GPR39: variants seen among roughly 807,000 people sequenced by gnomAD.
GPR39 encodes zinc sensing receptor.
Under a neutral mutation model 18.4 loss-of-function variants are expected in GPR39, and 23 were observed. The observed-to-expected ratio is 1.25, with a 90% CI of 0.90 to 1.77. GPR39 has a LOEUF of 1.77. GPR39 is among the 40% of genes most tolerant of loss of function. The pLI, the probability that GPR39 is intolerant of heterozygous loss-of-function variation, is 0.00. For missense variants in GPR39, 647 were observed against 602.4 expected (o/e 1.07, Z -0.78); for synonymous variants, 280 against 257.9 (o/e 1.09, Z -0.82).
At chr2:132,420,443 G>A (rs1482170717) in intron 1 of GPR39, among the ~76,000 whole-genome samples, 1 of 152,178 alleles carries the variant, frequency 6.6e-6, no homozygotes, top group African/African-American at 2.4e-5. Flanking sequence ...CATAAAACTT[G>A]TGCTTTGGGG....
intron 1 of GPR39, among the ~76,000 whole-genome samples, chr2:132,581,076 A>G (rs973236111): frequency 6.6e-6 from 1 of 150,966 alleles, no homozygotes; most frequent in Non-Finnish European, 1.5e-5. Flanking sequence ...CTGTGTCTTT[A>G]GTAAAGAAGG....
chr2:132,445,602 A>G (rs1453070340), intron 1 of GPR39, among the ~76,000 whole-genome samples: 1 of 152,104 alleles, frequency 6.6e-6, no homozygotes, highest in Non-Finnish European at 1.5e-5. Flanking sequence ...CTTTTCTTTC[A>G]TTGCTTTATA....
rs144224386 is a variant in GPR39, at chr2:132,569,175, G to T, written c.857-75926G>T. Among the ~76,000 whole-genome samples the T allele has an allele frequency of 4.3e-3, 658 of 152,192 alleles. 15 individuals carry two copies. The highest frequency in any genetic ancestry group is 0.038 in the Admixed American group (581 of 15,290). ...TTGGTATATTTACTCTCCTTATGCTGCAATGAGCAAGAGGTGAAATAATTG... is the reference window on the plus strand; with the variant it reads ...TTGGTATATTTACTCTCCTTATGCTTCAATGAGCAAGAGGTGAAATAATTG... On this transcript the variant is annotated intron_variant, in intron 1 of 1. Coordinates refer to ENST00000329321, the MANE Select transcript of GPR39 (RefSeq NM_001508.3).
At chr2:132,553,860 A>G (rs886282435) in intron 1 of GPR39, among the ~76,000 whole-genome samples, 4 of 152,132 alleles carry the variant, frequency 2.6e-5, no homozygotes, top group African/African-American at 9.7e-5. Context: ...CTCTGCCTGA[A>G]AAAAACACCA....
chr2:132,632,250 C>T (rs1257654525), intron 1 of GPR39, among the ~76,000 whole-genome samples: 1 of 152,120 alleles, frequency 6.6e-6, no homozygotes, highest in African/African-American at 2.4e-5. Flanking sequence ...GTCTAGCTTG[C>T]CAGACTCCTA....
At chr2:132,643,422 G>T (rs1175152326) in intron 1 of GPR39, among the ~76,000 whole-genome samples, 3 of 152,146 alleles carry the variant, frequency 2.0e-5, no homozygotes, top group African/African-American at 7.2e-5. Flanking sequence ...ACACAGCTAG[G>T]GTCCCCTCCA....
At chr2:132,578,019 T>G (rs1247373194) in intron 1 of GPR39, among the ~76,000 whole-genome samples, 1 of 151,862 alleles carries the variant, frequency 6.6e-6, no homozygotes, top group Non-Finnish European at 1.5e-5. Flanking sequence ...TTTTGTAGAT[T>G]ATCATTATCA....
intron 1 of GPR39, among the ~76,000 whole-genome samples, chr2:132,541,304 G>A (rs377411218): frequency 4.7e-4 from 71 of 152,088 alleles, no homozygotes; most frequent in Middle Eastern, 3.4e-3. Context: ...GGCTGTTATC[G>A]AACTCCTGAC....
chr2:132,566,754 G>A (rs1266188425), intron 1 of GPR39, among the ~76,000 whole-genome samples: 4 of 152,320 alleles, frequency 2.6e-5, no homozygotes, highest in South Asian at 2.1e-4. Context: ...CCGGCTTCAC[G>A]CACTGTGGTA....
At chr2:132,441,983 T>A (rs1680448792) in intron 1 of GPR39, among the ~76,000 whole-genome samples, 1 of 152,028 alleles carries the variant, frequency 6.6e-6, no homozygotes, top group Admixed American at 6.5e-5. Flanking sequence ...GAAAATGCAG[T>A]TTTTTTTCTT....
intron 1 of GPR39, among the ~76,000 whole-genome samples, chr2:132,534,619 G>A (rs1465736018): frequency 6.6e-6 from 1 of 151,526 alleles, no homozygotes; most frequent in African/African-American, 2.4e-5. Flanking sequence ...ACTGGATTAA[G>A]AAAATGTGGC....
chr2:132,479,710 G>A (rs1681196065), intron 1 of GPR39, among the ~76,000 whole-genome samples: 1 of 152,184 alleles, frequency 6.6e-6, no homozygotes, highest in Admixed American at 6.5e-5. Flanking sequence ...AGCAAGTGTT[G>A]GAGAGCATAT....
At position 132,484,914 on chromosome 2, in the gene GPR39, A is replaced by G. The variant is rs114944420; in HGVS notation, c.856+67016A>G. On this transcript the variant is annotated intron_variant, in intron 1 of 1. Coordinates refer to ENST00000329321, the MANE Select transcript of GPR39 (RefSeq NM_001508.3). The stretch of plus-strand genomic sequence containing the variant: ...AAACAAATCCTCTCTGGAGGAACTC[A>G]CTTGTATCCAAGACCTCAGAGAAGT... Among the ~76,000 whole-genome samples the G allele has an allele frequency of 8.6e-3, 1,311 of 152,350 alleles. 23 individuals are homozygous for G. Among genetic ancestry groups the G allele is most frequent in the African/African-American group, 0.03 (1,239 of 41,586 alleles).
intron 1 of GPR39, among the ~76,000 whole-genome samples, chr2:132,481,928 AAAG>A (rs2104789860): frequency 6.6e-6 from 1 of 152,324 alleles, no homozygotes; most frequent in African/African-American, 2.4e-5. Context: ...AATCTAAGTC[AAAG>A]AAGAGTACCT....
chr2:132,476,886 T>C (rs755443628), intron 1 of GPR39, among the ~76,000 whole-genome samples: 4 of 152,130 alleles, frequency 2.6e-5, no homozygotes, highest in Non-Finnish European at 5.9e-5. Flanking sequence ...TGCCAATTCC[T>C]TCCCACAGAG....
chr2:132,447,851 A>G (rs1034215180), intron 1 of GPR39, among the ~76,000 whole-genome samples: 1 of 152,224 alleles, frequency 6.6e-6, no homozygotes, highest in African/African-American at 2.4e-5. Context: ...CTCTCCAAAT[A>G]TCACCAGCAC....
At chr2:132,441,384 C>CT (rs56044915) in intron 1 of GPR39, among the ~76,000 whole-genome samples, 35,217 of 92,246 alleles carry the variant, frequency 0.38, 4,971 homozygotes, top group East Asian at 0.77. Context: ...TGCATATATG[C>CT]TTTTTTTTTT....
chr2:132,640,233 TGC>T (rs1003352771), intron 1 of GPR39, among the ~76,000 whole-genome samples: 4 of 152,218 alleles, frequency 2.6e-5, no homozygotes, highest in Admixed American at 2.6e-4. Flanking sequence ...CAGAGCTTAA[TGC>T]ACTTAAGATG....
At chr2:132,421,592 C>T (rs1680009977) in intron 1 of GPR39, among the ~76,000 whole-genome samples, 1 of 152,130 alleles carries the variant, frequency 6.6e-6, no homozygotes. Context: ...GCAGGGATTA[C>T]ACATCAACTT....
Sources: allele counts gnomAD v4.1 joint callset (sites outside exome capture counted in the v4.1 genomes callset), GRCh38; gene constraint gnomAD v4.1.1; transcripts MANE v1.5; gene names NCBI Gene and HGNC (gene_info 2026-07-23, HGNC 2026-07-21).